Variants in KYNU observed in about 807,000 individuals in gnomAD.
KYNU encodes the protein kynureninase, also known as L-kynurenine hydrolase.
In KYNU, 54 loss-of-function variants were observed where a neutral mutation model predicts 59.2. The ratio of observed to expected loss-of-function variants is 0.91; its 90% CI spans 0.73 to 1.14. The LOEUF is 1.14. Among genes scored for constraint, KYNU ranks in the 50% most tolerant of loss-of-function variants. The probability of loss-of-function intolerance (pLI) is 0.00; values close to 1 mark genes in which losing one functional copy is unlikely to be tolerated. For synonymous variants in KYNU, 177 were observed against 192.0 expected, an observed-to-expected ratio of 0.92 and a Z score of 0.65; for missense variants, 567 against 554.4, an observed-to-expected ratio of 1.02 and a Z score of -0.23.
intron 7 of KYNU, among the ~76,000 whole-genome samples, chr2:142,958,945 A>G (rs1684253299): frequency 6.6e-6 from 1 of 152,002 alleles, no homozygotes; most frequent in South Asian, 2.1e-4. Context: ...CAAGTTATCA[A>G]TTTTACTTAC....
At chr2:142,980,596 A>G (rs1161996766) in intron 8 of KYNU, among the ~76,000 whole-genome samples, 2 of 152,118 alleles carry the variant, frequency 1.3e-5, no homozygotes, top group Non-Finnish European at 1.5e-5. Context: ...TGTATGATTT[A>G]TAATGTTTCT....
intron 4 of KYNU, among the ~76,000 whole-genome samples, chr2:142,934,808 G>C (rs1683331550): frequency 6.6e-6 from 1 of 152,220 alleles, no homozygotes; most frequent in Admixed American, 6.5e-5. Flanking sequence ...GGAAGGGATG[G>C]GGGCGGTCCT....
chr2:142,882,322 C>T (rs1681329792), intron 1 of KYNU, among the ~76,000 whole-genome samples: 1 of 151,636 alleles, frequency 6.6e-6, no homozygotes, highest in Non-Finnish European at 1.5e-5. Flanking sequence ...ATCGGTCTCC[C>T]TTTTCAACTT....
rs147115360 is a variant in KYNU at position 143,006,199 on chromosome 2, G to A, written c.902+20178G>A. Among the ~76,000 whole-genome samples, 377 of 152,164 alleles carry A rather than the reference G, an allele frequency of 2.5e-3. 1 individual carries two copies. Among genetic ancestry groups the A allele is most frequent in the Non-Finnish European group, 3.7e-3 (249 of 67,990 alleles). Reference sequence around the variant, plus strand: ...AGTGGGCGCAGGCCAGTGGGTGCACGCACCGTGCGCGAGCCGAAACAGGGC... The same window carrying A: ...AGTGGGCGCAGGCCAGTGGGTGCACACACCGTGCGCGAGCCGAAACAGGGC... On this transcript the variant is annotated intron_variant, in intron 10 of 13. Coordinates refer to ENST00000264170, the MANE Select transcript of KYNU (RefSeq NM_003937.3).
intron 1 of KYNU, among the ~76,000 whole-genome samples, chr2:142,882,459 C>G (rs1681335915): frequency 6.6e-6 from 1 of 152,016 alleles, no homozygotes; most frequent in African/African-American, 2.4e-5. Context: ...ACATATTTCT[C>G]CTACTGCTAT....
intron 4 of KYNU, 74 bp from the exon 5 acceptor site, chr2:142,954,736 G>C (rs557501210): frequency 2.2e-6 from 2 of 929,136 alleles, no homozygotes; most frequent in Non-Finnish European, 3.6e-6. Context: ...ATTGAGTGAA[G>C]TCTTCCTACT....
chr2:142,909,034 C>T (rs1558914958), intron 2 of KYNU, among the ~76,000 whole-genome samples: 1 of 152,178 alleles, frequency 6.6e-6, no homozygotes, highest in Non-Finnish European at 1.5e-5. Context: ...ATGACATTAA[C>T]ATTAATGGCA....
chr2:142,932,376 G>T (rs937349103), intron 4 of KYNU, among the ~76,000 whole-genome samples: 1 of 152,138 alleles, frequency 6.6e-6, no homozygotes, highest in Non-Finnish European at 1.5e-5. Context: ...CAAGGACAGG[G>T]AGAGAAACTG....
chr2:143,030,539 G>C (rs569225721), intron 11 of KYNU, among the ~76,000 whole-genome samples: 1 of 152,086 alleles, frequency 6.6e-6, no homozygotes. Flanking sequence ...ACAGTGGTGC[G>C]ATCAGGCTCA....
Position 143,042,203 on chromosome 2 carries a change from A to T in KYNU, c.*31A>T, listed in dbSNP as rs984818024. ...TTTTCTAGAACAACTTAAGCAAATT[A>T]TACTGAAAGCTGCTGTGGTTATTTC... On this transcript the variant is annotated 3_prime_UTR_variant, in exon 14 of 14. Coordinates refer to ENST00000264170, the MANE Select transcript of KYNU (RefSeq NM_003937.3). The T allele has an allele frequency of 6.9e-6, 11 of 1,600,446 alleles. No individual in the cohort carries two copies. In the African/African-American group the frequency reaches 1.3e-4, roughly 20 times the overall value.
intron 2 of KYNU, among the ~76,000 whole-genome samples, chr2:142,907,854 A>G (rs935349233): frequency 1.3e-5 from 2 of 152,202 alleles, no homozygotes; most frequent in African/African-American, 2.4e-5. Context: ...AGCTAGGCTT[A>G]GGAATTCTTA....
At chr2:143,023,740 A>G (rs13007794) in intron 10 of KYNU, among the ~76,000 whole-genome samples, 53,827 of 151,612 alleles carry the variant, frequency 0.36, 10,515 homozygotes, top group East Asian at 0.52. Flanking sequence ...CTAATAGAAT[A>G]AAGAAAAAGA....
At chr2:142,980,111 T>C (rs769640105) in intron 8 of KYNU, among the ~76,000 whole-genome samples, 23 of 152,132 alleles carry the variant, frequency 1.5e-4, no homozygotes, top group Admixed American at 3.9e-4. Flanking sequence ...TTTTAGACCA[T>C]ATAGGGTAAC....
chr2:142,904,856 T>C (rs1389626847), intron 2 of KYNU, among the ~76,000 whole-genome samples: 1 of 152,126 alleles, frequency 6.6e-6, no homozygotes, highest in African/African-American at 2.4e-5. Flanking sequence ...CCTGCACCCC[T>C]TTTCCCGCCT....
intron 4 of KYNU, among the ~76,000 whole-genome samples, chr2:142,953,192 G>A (rs1258653921): frequency 1.3e-5 from 2 of 152,182 alleles, no homozygotes; most frequent in Admixed American, 6.5e-5. Flanking sequence ...CCTGGCAATT[G>A]ACAACAACAA....
At chr2:143,010,542 A>T (rs1686060143) in intron 10 of KYNU, among the ~76,000 whole-genome samples, 1 of 133,014 alleles carries the variant, frequency 7.5e-6, no homozygotes, top group African/African-American at 3.1e-5. Flanking sequence ...GACTTTCTTC[A>T]CAGAATTGGA....
chr2:142,949,415 C>A (rs1279120524), intron 4 of KYNU, among the ~76,000 whole-genome samples: 3 of 152,196 alleles, frequency 2.0e-5, no homozygotes, highest in Admixed American at 2.0e-4. Context: ...ACCTCTACAG[C>A]AAACTTCTGC....
intron 10 of KYNU, chr2:142,988,895 C>A: frequency 1.9e-6 from 3 of 1,605,904 alleles, no homozygotes; most frequent in East Asian, 2.2e-5. Flanking sequence ...TTGGACAAGT[C>A]AAGGACAAGG....
rs751630031 is a variant in KYNU, at chr2:142,885,531, C to T, written c.164C>T (p.Pro55Leu). The stretch of plus-strand genomic sequence containing the variant: ...TATATTCCCAAAATACAGGATCTGC[C>T]TCCAGGTAAGAATGCTGGGAAGGTT... ...CFYIPKIQDL[P>L]PVDLSLVNKD... Residue 55 changes from proline (P) to leucine (L), a missense_variant, in exon 2 of 14, where the codon CCT becomes CTT. Physicochemically the swap from Pro to Leu is moderately conservative, Grantham distance 98 (BLOSUM62 -3). Coordinates refer to ENST00000264170, the MANE Select transcript of KYNU (RefSeq NM_003937.3). The T allele has an allele frequency of 2.1e-5, 34 of 1,612,836 alleles. No homozygotes were observed. Among genetic ancestry groups the T allele is most frequent in the Non-Finnish European group, 2.9e-5 (34 of 1,179,610 alleles).
Sources: allele counts gnomAD v4.1 joint callset (sites outside exome capture counted in the v4.1 genomes callset), GRCh38; gene constraint gnomAD v4.1.1; transcripts MANE v1.5; gene names NCBI Gene and HGNC (gene_info 2026-07-23, HGNC 2026-07-21).